Variants in CBY2 observed in about 807,000 individuals in gnomAD.
The protein encoded by CBY2 is chibby family member 2.
CBY2 carries 23 observed loss-of-function variants against 25.3 expected under a neutral mutation model. The ratio of observed to expected loss-of-function variants is 0.91; its 90% CI spans 0.65 to 1.29. CBY2 has a LOEUF of 1.29. CBY2 is among the 50% of genes most tolerant of loss of function. The pLI is 0.00. For missense variants in CBY2, 642 were observed against 590.7 expected (o/e 1.09, Z -0.90); for synonymous variants, 279 against 260.2 (o/e 1.07, Z -0.70).
Position 45,702,821 on chromosome 13 carries a change from G to C in CBY2, c.122G>C (p.Ser41Thr), listed in dbSNP as rs201522859. The stretch of plus-strand genomic sequence containing the variant: ...AGAAAAAGAGATACCAGATCTGAAA[G>C]CCTAGAAATTCCAATCAGTGTGGTT... ...YTRKRDTRSE[S>T]LEIPISVVLP... The change falls in exon 2 of 3, where the codon AGC (serine) becomes ACC (threonine). Residue 41 changes from serine (S) to threonine (T), a missense_variant. By Grantham distance (58) the Ser-to-Thr change is moderately conservative (BLOSUM62 1). Transcript: ENST00000310521. The C allele has an allele frequency of 6.2e-6, 10 of 1,614,126 alleles. No individual in the cohort carries two copies. The highest frequency in any genetic ancestry group is 1.6e-4 in the Middle Eastern group (1 of 6,062).
chr13:45,714,192 G>A lies in CBY2; in HGVS notation c.1167G>A (p.Glu389=), dbSNP rs766411458. Residue 389 remains glutamate, a synonymous_variant, in exon 3 of 3, where the codon GAG becomes GAA. Transcript: ENST00000310521. ...GGACCCTGCAGGTGCTACGGGCAGA[G>A]CACAGGGGCTTCCAGGAGGAGAACA... The part of the protein sequence containing the change: ...ENRTLQVLRA[E]HRGFQEENKA... 3.1e-6 allele frequency: 5 copies of A among 1,612,124 alleles called. No individual in the cohort carries two copies. In the African/African-American group the frequency reaches 5.3e-5, roughly 17 times the overall value.
At position 45,713,056 on chromosome 13, in the gene CBY2, C is replaced by G; in HGVS notation, c.157-126C>G. On this transcript the variant is annotated intron_variant, in intron 2 of 2. Transcript: ENST00000310521. This position sits in a 1 kb window ranked among gnomAD's most constrained non-coding sequence, Gnocchi z 5.0. ...TTGTGAGGACCCCAAGAAGCAAAAG[C>G]GCCCACTGTGGCCAGGCCAGACAAT... 1 of 719,526 alleles carries G rather than the reference C, an allele frequency of 1.4e-6. No homozygotes were observed. Among genetic ancestry groups the G allele is most frequent in the Non-Finnish European group, 2.3e-6 (1 of 444,070 alleles). 44.6% of individuals were successfully genotyped at this position (719,526 alleles called of 1,614,324 possible).
Position 45,713,462 on chromosome 13 carries a change from A to G in CBY2, c.437A>G (p.Tyr146Cys), listed in dbSNP as rs769602834. 8 of 1,614,006 alleles carry G rather than the reference A, an allele frequency of 5.0e-6. No individual in the cohort carries two copies. The highest frequency in any genetic ancestry group is 6.8e-6 in the Non-Finnish European group (8 of 1,180,034). ...GAGAACTGCCGCCTGCAGTCTCCCT[A>G]CTTCTCCCCATCCGCCTCCTTCCAC... ...VNENCRLQSPYFSPSASFHHK... is the reference protein window; with the variant it reads ...VNENCRLQSPCFSPSASFHHK... Residue 146 changes from tyrosine (Y) to cysteine (C), a missense_variant, in exon 3 of 3, where the codon TAC (tyrosine) becomes TGC (cysteine). Coordinates refer to ENST00000310521, the MANE Select transcript of CBY2 (RefSeq NM_152719.3). This position sits in a 1 kb window ranked among gnomAD's most constrained non-coding sequence, Gnocchi z 5.0.
At position 45,714,493 on chromosome 13, in the gene CBY2, C is replaced by T; in HGVS notation, c.*121C>T. Reference sequence around the variant, plus strand: ...CCAGTTCGTACCTATTGAAAAGCAGCGTTAGCAGCCTTCCTAAACTCAGAG... The same window carrying T: ...CCAGTTCGTACCTATTGAAAAGCAGTGTTAGCAGCCTTCCTAAACTCAGAG... On this transcript the variant is annotated 3_prime_UTR_variant, in exon 3 of 3. Coordinates refer to ENST00000310521, the MANE Select transcript of CBY2 (RefSeq NM_152719.3). 1.2e-6 allele frequency: 1 copy of T among 833,488 alleles called. No individual in the cohort carries two copies. The highest frequency in any genetic ancestry group is 1.8e-6 in the Non-Finnish European group (1 of 553,690). The allele number at this position is 833,488 out of a possible 1,614,324, so 51.6% of individuals were successfully genotyped here.
In CBY2 at chr13:45,713,291, C is replaced by T. The variant is rs1446565317; in HGVS notation, c.266C>T (p.Ser89Phe). The T allele has an allele frequency of 6.2e-7, 1 of 1,614,070 alleles. No homozygotes were observed. Among genetic ancestry groups the T allele is most frequent in the South Asian group, 1.1e-5 (1 of 91,088 alleles). ...RLSRRMASQHSYPLNRFSSVP... is the reference protein window; with the variant it reads ...RLSRRMASQHFYPLNRFSSVP... The stretch of plus-strand genomic sequence containing the variant: ...AGCCGCAGGATGGCGAGCCAGCACT[C>T]CTATCCACTGAACCGCTTCTCCTCC... The change falls in exon 3 of 3, where the codon TCC (serine) becomes TTC (phenylalanine). Residue 89 changes from serine to phenylalanine, a missense_variant. Transcript: ENST00000310521. The surrounding 1 kb of genome is among the most constrained non-coding windows in gnomAD (Gnocchi z 5.0).
In CBY2 at chr13:45,713,096, T is replaced by A; in HGVS notation, c.157-86T>A. ...GGCCAGACAATCAGACGGGGCTTATTTGGGGATGTCCTGGCCCCTTTGTCA... is the reference window on the plus strand; with the variant it reads ...GGCCAGACAATCAGACGGGGCTTATATGGGGATGTCCTGGCCCCTTTGTCA... On this transcript the variant is annotated intron_variant, in intron 2 of 2. Coordinates refer to ENST00000310521, the MANE Select transcript of CBY2 (RefSeq NM_152719.3). The surrounding 1 kb of genome is among the most constrained non-coding windows in gnomAD (Gnocchi z 5.0). 1 of 1,102,716 alleles carries A rather than the reference T, an allele frequency of 9.1e-7. No homozygotes were observed. Among genetic ancestry groups the A allele is most frequent in the Non-Finnish European group, 1.3e-6 (1 of 784,530 alleles). The allele number at this position is 1,102,716 out of a possible 1,614,324, so 68.3% of individuals were successfully genotyped here.
At chr13:45,709,640 A>AG (rs1167944271) in intron 2 of CBY2, among the ~76,000 whole-genome samples, 1 of 152,224 alleles carries the variant, frequency 6.6e-6, no homozygotes, top group Admixed American at 6.5e-5. Flanking sequence ...CTTTGCTTTA[A>AG]GATAACCTAG....
At chr13:45,703,346 A>G (rs1950221933) in intron 2 of CBY2, 5 of 1,425,914 alleles carry the variant, frequency 3.5e-6, no homozygotes, top group Non-Finnish European at 4.6e-6. Flanking sequence ...TGTAGGGGCC[A>G]TGGGCATAGA....
intron 1 of CBY2, 124 bp downstream of exon 1, chr13:45,702,589 C>A: frequency 1.0e-6 from 1 of 958,496 alleles, no homozygotes; most frequent in South Asian, 1.4e-5. Flanking sequence ...AATATCTGTT[C>A]AGAGATTGAT....
chr13:45,711,229 GATA>G (rs1432689179), intron 2 of CBY2, among the ~76,000 whole-genome samples: 1 of 152,048 alleles, frequency 6.6e-6, no homozygotes, highest in African/African-American at 2.4e-5. Context: ...TACTCTTCTT[GATA>G]ATAATACCTT....
At chr13:45,711,978 AG>A (rs1268157178) in intron 2 of CBY2, among the ~76,000 whole-genome samples, 1 of 152,188 alleles carries the variant, frequency 6.6e-6, no homozygotes, top group Non-Finnish European at 1.5e-5. Flanking sequence ...TGAATGTTTA[AG>A]GGGCTGCTAG....
At chr13:45,705,310 G>A (rs1027599583) in intron 2 of CBY2, among the ~76,000 whole-genome samples, 2 of 152,064 alleles carry the variant, frequency 1.3e-5, no homozygotes, top group African/African-American at 4.8e-5. Context: ...CCCAATGAAC[G>A]TGCTCTGTGA....
At chr13:45,711,961 G>A (rs1950273515) in intron 2 of CBY2, among the ~76,000 whole-genome samples, 1 of 152,204 alleles carries the variant, frequency 6.6e-6, no homozygotes, top group African/African-American at 2.4e-5. Context: ...TGCATTAGAA[G>A]CTGGGGTGAA....
In CBY2 at chr13:45,714,469, C is replaced by T; in HGVS notation, c.*97C>T. On this transcript the variant is annotated 3_prime_UTR_variant, in exon 3 of 3. Transcript: ENST00000310521. Reference sequence around the variant, plus strand: ...CTTTGTCGTCCTCGCCTTCCCCAGCCAGTTCGTACCTATTGAAAAGCAGCG... The same window carrying T: ...CTTTGTCGTCCTCGCCTTCCCCAGCTAGTTCGTACCTATTGAAAAGCAGCG... 10 of 1,063,866 alleles carry T rather than the reference C, an allele frequency of 9.4e-6. No homozygotes were observed. The South Asian group carries it at 1.7e-4, about 19-fold the overall frequency. The allele number at this position is 1,063,866 out of a possible 1,614,324, so 65.9% of individuals were successfully genotyped here.
Position 45,713,552 on chromosome 13 carries a change from G to C in CBY2, c.527G>C (p.Arg176Pro). The C allele has an allele frequency of 6.2e-7, 1 of 1,614,032 alleles. No individual in the cohort carries two copies. The highest frequency in any genetic ancestry group is 8.5e-7 in the Non-Finnish European group (1 of 1,179,984). Residue 176 changes from arginine (R) to proline (P), a missense_variant, in exon 3 of 3, where the codon CGG (arginine) becomes CCG (proline). Coordinates refer to ENST00000310521, the MANE Select transcript of CBY2 (RefSeq NM_152719.3). The surrounding 1 kb of genome is among the most constrained non-coding windows in gnomAD (Gnocchi z 5.0). ...CTGCAGGAGGAGAACAAGTCTCTGC[G>C]GGAGGAGAACAAGGCCCTGCGCGAG... ...CMLQEENKSLREENKALREEN... is the reference protein window; with the variant it reads ...CMLQEENKSLPEENKALREEN...
Position 45,714,344 on chromosome 13 carries a change from A to G in CBY2, c.1319A>G (p.Gln440Arg), listed in dbSNP as rs1226121994. 3 of 1,610,278 alleles carry G rather than the reference A, an allele frequency of 1.9e-6. No individual in the cohort carries two copies. The highest frequency in any genetic ancestry group is 2.7e-5 in the African/African-American group (2 of 74,884). ...TACGCCTTCATGCCGGCCAGGAGCC[A>G]GGACCCCAAGAAGCCTAGCAGGGTC... The part of the protein sequence containing the change: ...ELYAFMPARS[Q>R]DPKKPSRV The change falls in exon 3 of 3, where the codon CAG (glutamine) becomes CGG (arginine). Residue 440 changes from glutamine to arginine, a missense_variant. Gln to Arg is a conservative substitution (Grantham distance 43). Coordinates refer to ENST00000310521, the MANE Select transcript of CBY2 (RefSeq NM_152719.3).
chr13:45,710,393 C>T (rs755729242), intron 2 of CBY2, among the ~76,000 whole-genome samples: 1 of 152,074 alleles, frequency 6.6e-6, no homozygotes, highest in Non-Finnish European at 1.5e-5. Flanking sequence ...CGTGGTGGCA[C>T]GCGCCTGTAG....
Position 45,713,715 on chromosome 13 carries a change from G to A in CBY2, c.690G>A (p.Lys230=). The change falls in exon 3 of 3, where the codon AAG becomes AAA. Residue 230 remains lysine (K), a synonymous_variant. Coordinates refer to ENST00000310521, the MANE Select transcript of CBY2 (RefSeq NM_152719.3). This position sits in a 1 kb window ranked among gnomAD's most constrained non-coding sequence, Gnocchi z 5.0. ...ACAGCGCGTCCCTGGAGGTGGTGAA[G>A]AAGGACCACGTCGCCCTGCAGGTGC... is the stretch of plus-strand genomic sequence containing the variant. ...HKDSASLEVV[K]KDHVALQVPR... 1 of 1,611,928 alleles carries A rather than the reference G, an allele frequency of 6.2e-7. No individual in the cohort carries two copies. Among genetic ancestry groups the A allele is most frequent in the East Asian group, 2.2e-5 (1 of 44,858 alleles).
chr13:45,703,606 G>A (rs763347426), intron 2 of CBY2: 6 of 1,544,614 alleles, frequency 3.9e-6, no homozygotes, highest in South Asian at 1.2e-5. Flanking sequence ...CTATCTGAGA[G>A]CTCTGTCCAG....
Sources: allele counts gnomAD v4.1 joint callset (sites outside exome capture counted in the v4.1 genomes callset), GRCh38; gene constraint gnomAD v4.1.1; non-coding constraint Gnocchi (gnomAD v3.1); transcripts MANE v1.5; gene names NCBI Gene and HGNC (gene_info 2026-07-23, HGNC 2026-07-21).